The following ACER1 variants were observed in gnomAD, a reference collection of about 807,000 sequenced individuals.
ACER1 encodes the protein alkaline ceramidase 1.
A neutral mutation model predicts 24.9 loss-of-function variants in ACER1; 28 were observed. The ratio of observed to expected loss-of-function variants is 1.13; its 90% CI spans 0.83 to 1.54. The LOEUF (loss-of-function observed/expected upper bound fraction) is 1.54. Ranked by LOEUF, ACER1 falls within the 40% of genes most tolerant of loss-of-function variation. The probability of loss-of-function intolerance (pLI) is 0.00; values close to 1 mark genes in which losing one functional copy is unlikely to be tolerated. For synonymous variants in ACER1, 132 were observed against 131.4 expected (o/e 1.00, Z -0.03); for missense variants, 352 against 349.3 (o/e 1.01, Z -0.06).
chr19:6,313,017 G>A (rs2091589410), intron 1 of ACER1, among the ~76,000 whole-genome samples: 1 of 152,064 alleles, frequency 6.6e-6, no homozygotes, highest in African/African-American at 2.4e-5. Flanking sequence ...GTCATCCATA[G>A]ATCAATTTCT....
At chr19:6,349,138 A>G in the ACER1 span, among the ~76,000 whole-genome samples, 1 of 150,806 alleles carries the variant, frequency 6.6e-6, no homozygotes, top group African/African-American at 2.4e-5. Context: ...AGGAAGAAGA[A>G]GAAGAAAGAA....
At chr19:6,308,349 C>T (rs953130112) in intron 4 of ACER1, among the ~76,000 whole-genome samples, 6 of 150,188 alleles carry the variant, frequency 4.0e-5, no homozygotes, top group African/African-American at 1.5e-4. Flanking sequence ...GCACAAGAGT[C>T]GCTTGAACCC....
chr19:6,313,828 A>T (rs759248620), intron 1 of ACER1, among the ~76,000 whole-genome samples: 2 of 152,208 alleles, frequency 1.3e-5, no homozygotes, highest in African/African-American at 2.4e-5. Context: ...ATCCTAGGCC[A>T]CCACACAAGA....
At chr19:6,316,461 T>A (rs1342236071) in intron 1 of ACER1, among the ~76,000 whole-genome samples, 1 of 151,980 alleles carries the variant, frequency 6.6e-6, no homozygotes, top group African/African-American at 2.4e-5. Context: ...AAGAATGAAA[T>A]GCCTTTGCGG....
At chr19:6,342,855 GC>G in the ACER1 span, among the ~76,000 whole-genome samples, 8 of 152,018 alleles carry the variant, frequency 5.3e-5, no homozygotes, top group South Asian at 1.7e-3. Flanking sequence ...TCGGCTCACT[GC>G]AACCTCCACC....
intron 1 of ACER1, among the ~76,000 whole-genome samples, chr19:6,327,473 G>A (rs2091666942): frequency 6.6e-6 from 1 of 152,186 alleles, no homozygotes; most frequent in East Asian, 1.9e-4. Flanking sequence ...GCTGAGGCAG[G>A]AGAATGGTGT....
chr19:6,313,135 A>G (rs572152295), intron 1 of ACER1, among the ~76,000 whole-genome samples: 76 of 151,916 alleles, frequency 5.0e-4, no homozygotes, highest in African/African-American at 1.7e-3. Context: ...TATTTATTTT[A>G]CAGTCAGGAT....
upstream of ACER1, among the ~76,000 whole-genome samples, chr19:6,337,459 T>C (rs2091718426): frequency 6.9e-6 from 1 of 144,292 alleles, no homozygotes; most frequent in African/African-American, 2.5e-5. Context: ...TCCTTTTTTT[T>C]TCTTTTTTTT....
intron 1 of ACER1, among the ~76,000 whole-genome samples, chr19:6,328,976 C>A (rs2091674917): frequency 6.6e-6 from 1 of 151,674 alleles, no homozygotes; most frequent in African/African-American, 2.4e-5. Context: ...TGCCCAGCAC[C>A]CATCTGTATA....
At chr19:6,355,538 C>T in the ACER1 span, among the ~76,000 whole-genome samples, 4 of 150,604 alleles carry the variant, frequency 2.7e-5, no homozygotes, top group East Asian at 4.0e-4. Flanking sequence ...AAATGAGGAG[C>T]GTCTCTGCCC....
chr19:6,347,109 A>AAAAAAATATATATATATATATATAT, the ACER1 span, among the ~76,000 whole-genome samples: 27 of 113,760 alleles, frequency 2.4e-4, no homozygotes, highest in African/African-American at 1.3e-3. Flanking sequence ...AAAAAAAAAA[A>AAAAAAATATATATATATATATATAT]ATATATATAT....
Position 6,312,425 on chromosome 19 carries a change from G to C in ACER1, c.168C>G (p.Ser56=). 6.2e-7 allele frequency: 1 copy of C among 1,613,952 alleles called. No homozygotes were observed. The change falls in exon 2 of 6, where the codon TCC becomes TCG. Residue 56 remains serine (S), a synonymous_variant. Coordinates refer to ENST00000301452, the MANE Select transcript of ACER1 (RefSeq NM_133492.3). Reference sequence around the variant, plus strand: ...GGACCCAGACAACGTAAATGTAGCGGGAGCGCTTCTGGGCATACGGGTGCA... The same window carrying C: ...GGACCCAGACAACGTAAATGTAGCGCGAGCGCTTCTGGGCATACGGGTGCA... ...LLMHPYAQKR[S]RYIYVVWVLF...
chr19:6,306,695 G>T lies in ACER1; in HGVS notation c.*19C>A. 6.3e-7 allele frequency: 1 copy of T among 1,589,972 alleles called. No individual in the cohort carries two copies. Among genetic ancestry groups the T allele is most frequent in the Non-Finnish European group, 8.6e-7 (1 of 1,165,500 alleles). On this transcript the variant is annotated 3_prime_UTR_variant, in exon 6 of 6. Transcript: ENST00000301452. ...AGGCAAGTTGTTGGGTGGTTGGATA[G>T]TCAAGAGGCTGGCAGGTCTCAGCAG...
At chr19:6,312,753 G>A (rs1053806586) in intron 1 of ACER1, among the ~76,000 whole-genome samples, 1 of 149,116 alleles carries the variant, frequency 6.7e-6, no homozygotes, top group African/African-American at 2.5e-5. Context: ...TCAGCTCACT[G>A]CAACCTCCAC....
chr19:6,338,827 A>G, the ACER1 span, among the ~76,000 whole-genome samples: 2 of 151,672 alleles, frequency 1.3e-5, no homozygotes, highest in Admixed American at 1.3e-4. Flanking sequence ...CTTCCACCTC[A>G]GCCTCCCAAA....
chr19:6,323,508 C>CT lies in ACER1; in HGVS notation c.93+9950dup, dbSNP rs201519235. Among the ~76,000 whole-genome samples, 1,283 of 152,288 alleles carry CT rather than the reference C, an allele frequency of 8.4e-3. 10 individuals are homozygous for CT. Among genetic ancestry groups the CT allele is most frequent in the Non-Finnish European group, 0.014 (921 of 68,022 alleles). The stretch of plus-strand genomic sequence containing the variant: ...CTGCTGCCATCCACGTAAGATGTGA[C>CT]TTGCTCCTCCTTGCCTTCCACCATG... On this transcript the variant is annotated intron_variant, in intron 1 of 5. Transcript: ENST00000301452.
At chr19:6,347,790 C>T in the ACER1 span, among the ~76,000 whole-genome samples, 1 of 152,010 alleles carries the variant, frequency 6.6e-6, no homozygotes, top group South Asian at 2.1e-4. Context: ...GAGTCCAGAT[C>T]ATGCCATTGC....
chr19:6,330,372 T>G (rs1358452778), intron 1 of ACER1, among the ~76,000 whole-genome samples: 1 of 149,342 alleles, frequency 6.7e-6, no homozygotes, highest in Non-Finnish European at 1.5e-5. Flanking sequence ...TTCACCATGT[T>G]GTCCAGGCTG....
chr19:6,323,203 G>A lies in ACER1; in HGVS notation c.93+10256C>T, dbSNP rs537475125. On this transcript the variant is annotated intron_variant, in intron 1 of 5. Transcript: ENST00000301452. ...TGGGAGGCCAAGGCAGGCAGATCAC[G>A]AAGTCAGGAGATAGAGACCATCATG... Among the ~76,000 whole-genome samples, 306 of 152,110 alleles carry A rather than the reference G, an allele frequency of 2.0e-3. 4 individuals are homozygous for A. The highest frequency in any genetic ancestry group is 6.0e-3 in the South Asian group (29 of 4,806).
Sources: allele counts gnomAD v4.1 joint callset (sites outside exome capture counted in the v4.1 genomes callset), GRCh38; gene constraint gnomAD v4.1.1; transcripts MANE v1.5; gene names NCBI Gene and HGNC (gene_info 2026-07-23, HGNC 2026-07-21).